Variants in HMCN2 observed in about 807,000 individuals in gnomAD.
The protein encoded by HMCN2 is hemicentin-2.
HMCN2 carries 325 observed loss-of-function variants against 377.5 expected under a neutral mutation model. That is an observed-to-expected ratio of 0.86 (90% CI 0.79 to 0.94). The LOEUF (loss-of-function observed/expected upper bound fraction) is 0.94, where lower values mean the gene tolerates loss of function less well. Among genes scored for constraint, HMCN2 ranks in the 40% least tolerant of loss-of-function variants. HMCN2 has a pLI of 0.00. For missense variants in HMCN2, 4,543 were observed against 4,725.3 expected (o/e 0.96, Z 1.13); for synonymous variants, 2,007 against 2,046.8 (o/e 0.98, Z 0.53).
chr9:130,357,359 T>C (rs1209275354), intron 34 of HMCN2, among the ~76,000 whole-genome samples: 1 of 146,270 alleles, frequency 6.8e-6, no homozygotes, highest in Admixed American at 6.8e-5. Context: ...GGGGAGTGGA[T>C]GGAAGAGTGG....
chr9:130,370,042 A>T (rs1345289064), intron 45 of HMCN2, among the ~76,000 whole-genome samples, 191 bp downstream of exon 45: 1 of 151,808 alleles, frequency 6.6e-6, no homozygotes, highest in Non-Finnish European at 1.5e-5. Context: ...GACTGGTCCC[A>T]AATGGCCCCA....
At chr9:130,311,152 G>A (rs36194734) in intron 15 of HMCN2, among the ~76,000 whole-genome samples, 34,845 of 152,160 alleles carry the variant, frequency 0.23, 4,400 homozygotes, top group South Asian at 0.32. Flanking sequence ...GGCTCTGAGT[G>A]TTTGCCGAGG....
chr9:130,352,600 C>G (rs1839794383), intron 30 of HMCN2, among the ~76,000 whole-genome samples: 1 of 152,170 alleles, frequency 6.6e-6, no homozygotes, highest in South Asian at 2.1e-4. Flanking sequence ...AGTCCAGCCT[C>G]TCATTTCACA....
rs1840321396 is a variant in HMCN2 at position 130,360,546 on chromosome 9, C to A, written c.5892C>A (p.Arg1964=). 7.7e-7 allele frequency: 1 copy of A among 1,304,228 alleles called. No homozygotes were observed. Among genetic ancestry groups the A allele is most frequent in the East Asian group, 5.5e-5 (1 of 18,020 alleles). 80.8% of individuals were successfully genotyped at this position (1,304,228 alleles called of 1,614,324 possible). ...QAQLSDAGSY[R]CVASNVAGST... ...AGCTTTCTGATGCTGGGAGCTACCG[C>A]TGTGTGGCATCCAATGTGGCAGGTA... The change falls in exon 38 of 98, where the codon CGC becomes CGA. Residue 1964 remains arginine (R), a synonymous_variant. Transcript: ENST00000683500. This position sits in a 1 kb window ranked among gnomAD's most constrained non-coding sequence, Gnocchi z 4.7.
chr9:130,288,382 T>C (rs1182337548), intron 4 of HMCN2, among the ~76,000 whole-genome samples: 1 of 152,208 alleles, frequency 6.6e-6, no homozygotes, highest in Non-Finnish European at 1.5e-5. Flanking sequence ...ACCCTCTCCT[T>C]CCTGGGCATG....
In HMCN2 at chr9:130,411,953, AT is replaced by A. The variant is rs530675758; in HGVS notation, c.12961+1309del. Among the ~76,000 whole-genome samples the A allele has an allele frequency of 0.013, 389 of 30,382 alleles. 2 individuals are homozygous for A. In the East Asian group the frequency reaches 0.24, roughly 19 times the overall value. The allele number at this position is 30,382 out of a possible 152,430, so 19.9% of individuals were successfully genotyped here. ...TTCAATGATAAATTTTATGTAATGT[AT>A]TTTTTTTACAACTATTATTGTTACT... is the stretch of plus-strand genomic sequence containing the variant. On this transcript the variant is annotated intron_variant, in intron 85 of 97. Transcript: ENST00000683500.
At position 130,384,744 on chromosome 9, in the gene HMCN2, G is replaced by A. The variant is rs886494637; in HGVS notation, c.9052G>A (p.Glu3018Lys). 8 of 1,302,996 alleles carry A rather than the reference G, an allele frequency of 6.1e-6. No individual in the cohort carries two copies. The East Asian group carries it at 1.7e-4, about 27-fold the overall frequency. 80.7% of individuals were successfully genotyped at this position (1,302,996 alleles called of 1,614,324 possible). ...RLSDSGMYTC[E>K]ALNAAGRDQK... Reference sequence around the variant, plus strand: ...GTCGGACTCCGGGATGTACACATGCGAAGCCCTCAATGCTGCCGGCCGAGA... The same window carrying A: ...GTCGGACTCCGGGATGTACACATGCAAAGCCCTCAATGCTGCCGGCCGAGA... Residue 3018 changes from glutamate (E) to lysine (K), a missense_variant, in exon 59 of 98, where the codon GAA becomes AAA. Around this residue, in one of 5 missense-constraint regions of HMCN2, gnomAD observed 736 missense variants for 773.2 expected, o/e 0.95. Transcript: ENST00000683500.
At chr9:130,392,240 G>A (rs755219642) in intron 66 of HMCN2, 122 bp downstream of exon 66, 4 of 669,450 alleles carry the variant, frequency 6.0e-6, no homozygotes, top group Non-Finnish European at 7.4e-6. Context: ...ACCCCACAGC[G>A]AGTGTGGACT....
At chr9:130,270,634 A>C (rs1255158098) in intron 1 of HMCN2, among the ~76,000 whole-genome samples, 3 of 149,076 alleles carry the variant, frequency 2.0e-5, no homozygotes, top group Non-Finnish European at 3.0e-5. Flanking sequence ...TGGGTTAATA[A>C]TTATGTATCA....
At chr9:130,337,049 G>A (rs1273914556) in intron 22 of HMCN2, among the ~76,000 whole-genome samples, 17 of 152,248 alleles carry the variant, frequency 1.1e-4, no homozygotes, top group African/African-American at 3.4e-4. Context: ...TGCTGGCTGC[G>A]TACTCTTGAG....
chr9:130,330,777 T>C (rs1310139757), intron 22 of HMCN2, among the ~76,000 whole-genome samples: 3 of 152,086 alleles, frequency 2.0e-5, no homozygotes, highest in African/African-American at 4.8e-5. Context: ...ACGGATTCCT[T>C]TTCTCTTTTA....
Position 130,425,090 on chromosome 9 carries a change from T to C in HMCN2, c.13601T>C (p.Val4534Ala). 2.6e-6 allele frequency: 4 copies of C among 1,549,922 alleles called. No individual in the cohort carries two copies. Among genetic ancestry groups the C allele is most frequent in the Non-Finnish European group, 3.5e-6 (4 of 1,146,836 alleles). The change falls in exon 89 of 98, where the codon GTT (valine) becomes GCT (alanine). Residue 4534 changes from valine (V) to alanine (A), a missense_variant. By Grantham distance (64) the Val-to-Ala change is moderately conservative. This residue lies in a region of HMCN2 where 1,155 missense variants were observed against 1,157.7 expected (regional missense o/e 1.00). Transcript: ENST00000683500. ...LLLLDVVVNGVVPESLADADL... is the reference protein window; with the variant it reads ...LLLLDVVVNGAVPESLADADL... ...CTCCTCGACGTGGTGGTCAATGGCG[T>C]TGTCCCCGAGAGCCTGGCTGACGCA...
chr9:130,355,185 A>G, intron 32 of HMCN2, 141 bp downstream of exon 32: 1 of 690,050 alleles, frequency 1.4e-6, no homozygotes. Context: ...CATGACACAG[A>G]TGAGGACGCT....
At chr9:130,407,495 C>A in intron 82 of HMCN2, 76 bp from the exon 83 acceptor site, 1 of 1,215,842 alleles carries the variant, frequency 8.2e-7, no homozygotes, top group Non-Finnish European at 1.1e-6. Context: ...TTATTAAGTT[C>A]CTGCAGGTAC....
Position 130,360,457 on chromosome 9 carries a change from G to A in HMCN2, c.5803G>A (p.Val1935Ile), listed in dbSNP as rs1840314584. 7.7e-7 allele frequency: 1 copy of A among 1,302,174 alleles called. No individual in the cohort carries two copies. The highest frequency in any genetic ancestry group is 1.0e-6 in the Non-Finnish European group (1 of 988,158). The allele number at this position is 1,302,174 out of a possible 1,614,324, so 80.7% of individuals were successfully genotyped here. A position where few individuals can be genotyped will look rare whatever the true frequency, so the allele number is the denominator to read the frequency against. The change falls in exon 38 of 98, where the codon GTC becomes ATC. Residue 1935 changes from valine (V) to isoleucine (I), a missense_variant. Val to Ile is a conservative substitution (Grantham distance 29). Around this residue, in one of 5 missense-constraint regions of HMCN2, gnomAD observed 1,032 missense variants for 1,285.1 expected, o/e 0.80. Transcript: ENST00000683500. This position sits in a 1 kb window ranked among gnomAD's most constrained non-coding sequence, Gnocchi z 4.7. ...DVSWFKGHQP[V>I]SSWMGVTVSV... ...CTCCTGGTTCAAGGGCCACCAACCT[G>A]TCTCTTCATGGATGGGAGTGACAGT...
chr9:130,411,269 C>G (rs937943005), intron 85 of HMCN2, among the ~76,000 whole-genome samples: 2 of 151,654 alleles, frequency 1.3e-5, no homozygotes, highest in African/African-American at 4.8e-5. Context: ...TAAAATTCAC[C>G]CGTTCATGCA....
chr9:130,316,834 C>G (rs1837587290), intron 15 of HMCN2, among the ~76,000 whole-genome samples: 1 of 152,208 alleles, frequency 6.6e-6, no homozygotes, highest in Non-Finnish European at 1.5e-5. Flanking sequence ...CTGGGCAGAG[C>G]ACTGGGCTGG....
chr9:130,373,747 A>G (rs796327902), intron 48 of HMCN2, among the ~76,000 whole-genome samples: 1,628 of 21,400 alleles, frequency 0.076, no homozygotes, highest in Non-Finnish European at 0.27. Flanking sequence ...GTGGATGGAT[A>G]GATGGATAGG....
intron 74 of HMCN2, 143 bp downstream of exon 74, chr9:130,397,798 G>A: frequency 2.9e-6 from 2 of 683,892 alleles, no homozygotes; most frequent in South Asian, 3.7e-5. Flanking sequence ...GTAAAAAGTT[G>A]TGATCATGCA....
Sources: gnomAD v4.1 joint callset for allele counts (sites outside exome capture counted in the v4.1 genomes callset) on GRCh38, gnomAD v4.1.1 for gene constraint, gnomAD v4.1.1 regional missense constraint, Gnocchi (gnomAD v3.1) non-coding constraint, MANE v1.5 for transcripts, NCBI Gene and HGNC (gene_info 2026-07-23, HGNC 2026-07-21) for gene names.